CHCHD3: variants seen among roughly 807,000 people sequenced by gnomAD.
CHCHD3 encodes the protein coiled-coil-helix-coiled-coil-helix domain containing 3, also known as MICOS complex subunit MIC19.
A neutral mutation model predicts 38.2 loss-of-function variants in CHCHD3; 20 were observed. That is an observed-to-expected ratio of 0.52 (90% confidence interval 0.37 to 0.76). CHCHD3 has a LOEUF of 0.76. Among genes scored for constraint, CHCHD3 ranks in the 30% least tolerant of loss-of-function variants. The pLI is 0.00. For synonymous variants in CHCHD3, 82 were observed against 100.0 expected (o/e 0.82, Z 1.07); for missense variants, 245 against 279.2 (o/e 0.88, Z 0.87).
chr7:132,966,371 C>T (rs760841444), intron 4 of CHCHD3, among the ~76,000 whole-genome samples: 6 of 152,112 alleles, frequency 3.9e-5, no homozygotes, highest in Non-Finnish European at 7.3e-5. Flanking sequence ...GCCCCCATCG[C>T]CAAATCAGGA....
At chr7:132,988,774 C>T (rs1335362046) in intron 3 of CHCHD3, among the ~76,000 whole-genome samples, 1 of 151,708 alleles carries the variant, frequency 6.6e-6, no homozygotes, top group Non-Finnish European at 1.5e-5. Context: ...TTTTATCAGT[C>T]AGGTGTGGTG....
intron 4 of CHCHD3, among the ~76,000 whole-genome samples, chr7:132,950,454 C>T (rs562962631): frequency 1.6e-4 from 24 of 152,062 alleles, no homozygotes; most frequent in Non-Finnish European, 3.1e-4. Context: ...TAATATTTAC[C>T]AGTACTAGTA....
At chr7:133,033,298 A>C (rs995425782) in intron 2 of CHCHD3, among the ~76,000 whole-genome samples, 4 of 152,200 alleles carry the variant, frequency 2.6e-5, no homozygotes, top group African/African-American at 7.2e-5. Flanking sequence ...TTTCAGCTCC[A>C]TGAATCTCTG....
chr7:132,791,294 C>T (rs897830741), intron 7 of CHCHD3, among the ~76,000 whole-genome samples: 4 of 152,124 alleles, frequency 2.6e-5, no homozygotes, highest in African/African-American at 7.2e-5. Context: ...AGATCTGACA[C>T]GACAGGAAAA....
chr7:132,840,362 G>A (rs1485577201), intron 5 of CHCHD3, among the ~76,000 whole-genome samples: 1 of 152,170 alleles, frequency 6.6e-6, no homozygotes, highest in East Asian at 1.9e-4. Flanking sequence ...ACTGTTGAGT[G>A]GGTATTATGT....
At chr7:133,074,155 T>C (rs1436313644) in intron 1 of CHCHD3, among the ~76,000 whole-genome samples, 2 of 152,174 alleles carry the variant, frequency 1.3e-5, no homozygotes, top group African/African-American at 4.8e-5. Flanking sequence ...TCCACTAGAT[T>C]GCAAGCTCCT....
intron 5 of CHCHD3, among the ~76,000 whole-genome samples, chr7:132,848,153 G>A (rs1032886568): frequency 6.6e-6 from 1 of 152,138 alleles, no homozygotes; most frequent in Admixed American, 6.5e-5. Context: ...AACAACTGCA[G>A]GCCTCTTCTT....
At chr7:133,028,269 C>G (rs998694576) in intron 2 of CHCHD3, among the ~76,000 whole-genome samples, 11 of 152,298 alleles carry the variant, frequency 7.2e-5, no homozygotes, top group Middle Eastern at 3.4e-3. Flanking sequence ...GATTCTCAAT[C>G]AAAATTCAAT....
chr7:132,973,908 C>T, intron 4 of CHCHD3: 1 of 1,243,490 alleles, frequency 8.0e-7, no homozygotes, highest in Non-Finnish European at 1.0e-6. Flanking sequence ...GAGTTCCCAA[C>T]TGTGCTCCAA....
intron 3 of CHCHD3, among the ~76,000 whole-genome samples, chr7:132,977,487 A>G (rs1226647124): frequency 6.6e-6 from 1 of 152,252 alleles, no homozygotes; most frequent in Non-Finnish European, 1.5e-5. Context: ...AGGTTATCAT[A>G]TCAGATTACA....
At chr7:133,072,660 A>C (rs975786813) in intron 1 of CHCHD3, among the ~76,000 whole-genome samples, 16 of 152,094 alleles carry the variant, frequency 1.1e-4, no homozygotes, top group Non-Finnish European at 1.6e-4. Flanking sequence ...TAACATGGTG[A>C]AACCCCATCT....
intron 2 of CHCHD3, among the ~76,000 whole-genome samples, chr7:133,050,902 G>T (rs753394261): frequency 1.1e-4 from 16 of 152,052 alleles, no homozygotes; most frequent in Non-Finnish European, 2.2e-4. Context: ...TGTAATCCCA[G>T]CTACTCAGGA....
chr7:133,038,976 G>C (rs1200735676), intron 2 of CHCHD3, among the ~76,000 whole-genome samples: 1 of 152,082 alleles, frequency 6.6e-6, no homozygotes, highest in African/African-American at 2.4e-5. Context: ...ACATTTAATA[G>C]TCCTTGCTTG....
intron 2 of CHCHD3, among the ~76,000 whole-genome samples, chr7:133,038,611 G>C (rs1813743541): frequency 6.6e-6 from 1 of 152,164 alleles, no homozygotes; most frequent in African/African-American, 2.4e-5. Context: ...TGTTACCAAG[G>C]ACAGCTGATG....
intron 3 of CHCHD3, among the ~76,000 whole-genome samples, chr7:132,975,695 C>T (rs745690726): frequency 2.6e-5 from 4 of 152,116 alleles, no homozygotes; most frequent in Non-Finnish European, 5.9e-5. Flanking sequence ...CTTTGGGAGA[C>T]CAAGGCAAGT....
chr7:132,794,283 T>C (rs992782997), intron 7 of CHCHD3, among the ~76,000 whole-genome samples: 18 of 152,378 alleles, frequency 1.2e-4, no homozygotes, highest in Middle Eastern at 3.4e-3. Flanking sequence ...ATGCCACTTA[T>C]GTATTTTGAA....
intron 5 of CHCHD3, among the ~76,000 whole-genome samples, chr7:132,873,539 G>A (rs1380167805): frequency 3.3e-5 from 5 of 151,276 alleles, no homozygotes; most frequent in Admixed American, 6.6e-5. Flanking sequence ...TCAGCCTCTC[G>A]AATAGCTGGG....
chr7:132,997,659 TAAAAAAAAAAAAAAAA>T (rs71178073), intron 3 of CHCHD3, among the ~76,000 whole-genome samples: 3 of 81,774 alleles, frequency 3.7e-5, no homozygotes, highest in Admixed American at 2.9e-4. Context: ...AACAGGGTTG[TAAAAAAAAAAAAAAAA>T]AAAAAAAAAA....
chr7:133,072,427 T>C (rs1444198985), intron 1 of CHCHD3, among the ~76,000 whole-genome samples: 1 of 152,136 alleles, frequency 6.6e-6, no homozygotes, highest in Non-Finnish European at 1.5e-5. Flanking sequence ...TAGATACTTT[T>C]GTATCTCTAT....
Sources: gnomAD v4.1 joint callset for allele counts (sites outside exome capture counted in the v4.1 genomes callset) on GRCh38, gnomAD v4.1.1 for gene constraint, MANE v1.5 for transcripts, NCBI Gene and HGNC (gene_info 2026-07-23, HGNC 2026-07-21) for gene names.